DROSHA: variants seen among roughly 807,000 people sequenced by gnomAD.
DROSHA encodes the protein drosha ribonuclease III.
DROSHA carries 56 observed loss-of-function variants against 181.9 expected under a neutral mutation model. That is an observed-to-expected ratio of 0.31 (90% CI 0.25 to 0.38). The LOEUF (loss-of-function observed/expected upper bound fraction) is 0.38, where lower values mean the gene tolerates loss of function less well. Among genes scored for constraint, DROSHA ranks in the 10% least tolerant of loss-of-function variants. DROSHA has a pLI of 1.00. For missense variants in DROSHA, 1,218 were observed against 1,743.5 expected, an observed-to-expected ratio of 0.70 and a Z score of 5.37; for synonymous variants, 524 against 591.2, an observed-to-expected ratio of 0.89 and a Z score of 1.65.
chr5:31,501,318 A>T (rs971453338), intron 11 of DROSHA, among the ~76,000 whole-genome samples: 2 of 152,120 alleles, frequency 1.3e-5, no homozygotes, highest in Non-Finnish European at 2.9e-5. Flanking sequence ...ACTGAATCAC[A>T]GATCTACCCA....
At chr5:31,530,773 T>C (rs753717744) in intron 3 of DROSHA, 25 bp downstream of exon 3, 37 of 398,176 alleles carry the variant, frequency 9.3e-5, no homozygotes, top group Non-Finnish European at 1.5e-4. Flanking sequence ...ACTTAGTCTA[T>C]ACTTAATCCT....
chr5:31,402,932 G>A (rs964850845), intron 35 of DROSHA, among the ~76,000 whole-genome samples: 1 of 152,188 alleles, frequency 6.6e-6, no homozygotes, highest in Non-Finnish European at 1.5e-5. Flanking sequence ...ACAGGCGTGT[G>A]CCACCACAAC....
At chr5:31,482,317 A>T (rs1340893443) in intron 16 of DROSHA, among the ~76,000 whole-genome samples, 1 of 152,174 alleles carries the variant, frequency 6.6e-6, no homozygotes, top group Non-Finnish European at 1.5e-5. Flanking sequence ...ATGGCCATAC[A>T]GGCAGCTAAG....
intron 10 of DROSHA, among the ~76,000 whole-genome samples, chr5:31,508,266 A>T (rs1362488021): frequency 2.0e-5 from 3 of 152,242 alleles, no homozygotes; most frequent in African/African-American, 7.2e-5. Flanking sequence ...GGACTTATTT[A>T]CTATTTTGCA....
At position 31,472,193 on chromosome 5, in the gene DROSHA, A is replaced by G; in HGVS notation, c.2111T>C (p.Leu704Pro). The G allele has an allele frequency of 6.2e-7, 1 of 1,613,488 alleles. No homozygotes were observed. The highest frequency in any genetic ancestry group is 1.3e-5 in the African/African-American group (1 of 75,042). ...GGCTTTGCTGCACCTTAACAAGTAC[A>G]GGAGAATCTGGTGCATGGACAGCAC... ...KEVLSMHQIL[L>P]YLLRCSKALV... The change falls in exon 17 of 36, where the codon CTG (leucine) becomes CCG (proline). Residue 704 changes from leucine to proline, a missense_variant. Physicochemically the swap from Leu to Pro is moderately conservative, Grantham distance 98. Transcript: ENST00000344624.
chr5:31,440,745 T>A (rs1580101902), intron 23 of DROSHA, among the ~76,000 whole-genome samples: 1 of 152,348 alleles, frequency 6.6e-6, no homozygotes, highest in East Asian at 1.9e-4. Context: ...TGACCTTATG[T>A]GACAGCTTGC....
intron 25 of DROSHA, among the ~76,000 whole-genome samples, chr5:31,434,578 A>C (rs1306251226): frequency 1.3e-5 from 2 of 152,258 alleles, no homozygotes; most frequent in Non-Finnish European, 2.9e-5. Context: ...ACATAAAATA[A>C]AACAATGTGT....
chr5:31,524,655 T>C (rs1302476013), intron 5 of DROSHA, among the ~76,000 whole-genome samples: 1 of 152,174 alleles, frequency 6.6e-6, no homozygotes, highest in African/African-American at 2.4e-5. Flanking sequence ...CCTCCTTCTT[T>C]GAGAACCTGA....
Position 31,493,279 on chromosome 5 carries a change from A to C in DROSHA, c.1770T>G (p.Thr590=). ...ACTCGTGATCATCGTATTCTATAAC[A>C]GTTGGCCTGTCAGTCTAAAAGCAAA... The part of the protein sequence containing the change: ...PPTNFLTDRP[T]VIEYDDHEYI... The change falls in exon 13 of 36, where the codon ACT becomes ACG. Residue 590 remains threonine (T), a synonymous_variant. Coordinates refer to ENST00000344624, the MANE Select transcript of DROSHA (RefSeq NM_001382508.1). The C allele has an allele frequency of 6.2e-7, 1 of 1,601,086 alleles. No homozygotes were observed. The highest frequency in any genetic ancestry group is 1.2e-5 in the South Asian group (1 of 86,782).
chr5:31,427,151 T>G (rs937437951), intron 27 of DROSHA, among the ~76,000 whole-genome samples: 10 of 152,064 alleles, frequency 6.6e-5, no homozygotes, highest in Non-Finnish European at 1.5e-4. Context: ...AAAAGACACT[T>G]TTTCCAGTTT....
intron 23 of DROSHA, among the ~76,000 whole-genome samples, chr5:31,444,388 T>C (rs1288115101): frequency 1.3e-5 from 2 of 152,226 alleles, no homozygotes; most frequent in Non-Finnish European, 2.9e-5. Flanking sequence ...GATTATTTGT[T>C]TATTCTCTGT....
intron 23 of DROSHA, among the ~76,000 whole-genome samples, chr5:31,443,336 A>G (rs1445746951): frequency 4.0e-5 from 6 of 151,892 alleles, no homozygotes. Flanking sequence ...TATGCATTAT[A>G]TGTAGCAATG....
chr5:31,466,142 C>T (rs925955211), intron 19 of DROSHA, 40 bp downstream of exon 19: 7 of 1,583,256 alleles, frequency 4.4e-6, no homozygotes, highest in Admixed American at 1.7e-5. Context: ...ACCTGAAGCA[C>T]ATCATCGTTA....
intron 23 of DROSHA, among the ~76,000 whole-genome samples, chr5:31,446,242 C>G (rs986624022): frequency 1.3e-5 from 2 of 151,590 alleles, no homozygotes; most frequent in South Asian, 2.1e-4. Flanking sequence ...GTCAGGACAT[C>G]AAGACCACCC....
intron 30 of DROSHA, among the ~76,000 whole-genome samples, chr5:31,412,739 C>A (rs1579993878): frequency 6.6e-6 from 1 of 152,106 alleles, no homozygotes; most frequent in East Asian, 1.9e-4. Flanking sequence ...CATAGAGGAG[C>A]TCAAAATTAC....
chr5:31,492,332 G>A (rs1048727326), intron 13 of DROSHA, among the ~76,000 whole-genome samples: 31 of 152,286 alleles, frequency 2.0e-4, no homozygotes, highest in African/African-American at 7.0e-4. Context: ...GACAAAAAGG[G>A]CTAAGCTAAG....
At chr5:31,415,343 G>A (rs141503021) in intron 30 of DROSHA, among the ~76,000 whole-genome samples, 165 of 152,302 alleles carry the variant, frequency 1.1e-3, no homozygotes, top group African/African-American at 3.8e-3. Context: ...TATAACAAGA[G>A]TGGTCGCCAG....
At chr5:31,473,161 G>T (rs923075646) in intron 16 of DROSHA, among the ~76,000 whole-genome samples, 3 of 152,246 alleles carry the variant, frequency 2.0e-5, no homozygotes, top group African/African-American at 7.2e-5. Context: ...ACTTCAGGGA[G>T]AAAGAAAGGG....
intron 29 of DROSHA, 44 bp from the exon 30 acceptor site, chr5:31,421,421 T>C (rs375560523): frequency 4.2e-5 from 63 of 1,489,446 alleles, no homozygotes; most frequent in Non-Finnish European, 4.6e-5. Context: ...TAACCATTTA[T>C]GGATTTCCAA....
Sources: allele counts gnomAD v4.1 joint callset (sites outside exome capture counted in the v4.1 genomes callset), GRCh38; gene constraint gnomAD v4.1.1; transcripts MANE v1.5; gene names NCBI Gene and HGNC (gene_info 2026-07-23, HGNC 2026-07-21).